Variants in APC observed in about 807,000 individuals in gnomAD.
The protein encoded by APC is APC regulator of Wnt signaling pathway.
APC carries 72 observed loss-of-function variants against 247.0 expected under a neutral mutation model. The ratio of observed to expected loss-of-function variants is 0.29; its 90% confidence interval spans 0.24 to 0.35. The LOEUF (loss-of-function observed/expected upper bound fraction) is 0.35, where lower values mean the gene tolerates loss of function less well. Ranked by LOEUF, APC falls within the 10% of genes least tolerant of loss-of-function variation. The probability of loss-of-function intolerance (pLI) is 1.00; values close to 1 mark genes in which losing one functional copy is unlikely to be tolerated. For synonymous variants in APC, 1,254 were observed against 1,162.5 expected (o/e 1.08, Z -1.60); for missense variants, 3,400 against 3,360.7 (o/e 1.01, Z -0.29).
At chr5:112,721,858 A>G (rs1040295260) in intron 1 of APC, among the ~76,000 whole-genome samples, 1 of 152,148 alleles carries the variant, frequency 6.6e-6, no homozygotes, top group Non-Finnish European at 1.5e-5. Context: ...ACTAACACTA[A>G]CAATAGCTGA....
At chr5:112,727,603 T>G (rs1007359360) in intron 1 of APC, among the ~76,000 whole-genome samples, 1 of 152,208 alleles carries the variant, frequency 6.6e-6, no homozygotes, top group Non-Finnish European at 1.5e-5. Context: ...ATAAACTGAT[T>G]TATCAGGTAA....
At chr5:112,799,183 CAAAAA>C (rs754181440) in intron 7 of APC, among the ~76,000 whole-genome samples, 3 of 79,888 alleles carry the variant, frequency 3.8e-5, no homozygotes, top group African/African-American at 1.4e-4. Context: ...GACTCTGTCT[CAAAAA>C]AAAAAAAAAA....
intron 1 of APC, among the ~76,000 whole-genome samples, chr5:112,749,254 A>T (rs967720857): frequency 3.3e-5 from 5 of 152,024 alleles, no homozygotes; most frequent in Non-Finnish European, 7.4e-5. Flanking sequence ...TTAGCTTATG[A>T]TTATTCTTTT....
chr5:112,812,554 C>A (rs1211658809), intron 8 of APC, among the ~76,000 whole-genome samples: 2 of 152,172 alleles, frequency 1.3e-5, no homozygotes, highest in African/African-American at 4.8e-5. Context: ...TTTGCCTGGG[C>A]TGCCCTGTGG....
At chr5:112,745,031 G>C (rs464002) in intron 1 of APC, among the ~76,000 whole-genome samples, 4 of 152,006 alleles carry the variant, frequency 2.6e-5, no homozygotes, top group Non-Finnish European at 4.4e-5. Context: ...TTTACATTAC[G>C]TGAGATATTG....
At chr5:112,810,200 A>T (rs1211780762) in intron 8 of APC, 1 of 454,320 alleles carries the variant, frequency 2.2e-6, no homozygotes, top group East Asian at 7.0e-5. Flanking sequence ...CCCTAAGATC[A>T]AAGAGAAATG....
chr5:112,803,462 C>A (rs780650136), intron 8 of APC, among the ~76,000 whole-genome samples: 4 of 152,118 alleles, frequency 2.6e-5, no homozygotes, highest in Non-Finnish European at 5.9e-5. Flanking sequence ...AATCACACTC[C>A]CTCACTAACT....
chr5:112,815,160 C>A (rs1762366915), intron 8 of APC, among the ~76,000 whole-genome samples: 1 of 152,124 alleles, frequency 6.6e-6, no homozygotes, highest in African/African-American at 2.4e-5. Context: ...TTGAACATTC[C>A]TTCAATGCTT....
intron 4 of APC, 111 bp downstream of exon 4, chr5:112,767,501 G>T: frequency 1.2e-6 from 1 of 842,104 alleles, no homozygotes; most frequent in Non-Finnish European, 1.8e-6. Context: ...AACACTTAGA[G>T]CATTTTGCAT....
chr5:112,772,602 C>T (rs571981710), intron 4 of APC, among the ~76,000 whole-genome samples: 305 of 151,838 alleles, frequency 2.0e-3, no homozygotes, highest in Non-Finnish European at 2.8e-3. Context: ...CTGCAACCTC[C>T]GCCTCCCTGA....
In APC at chr5:112,782,641, G is replaced by A. The variant is rs2439595; in HGVS notation, c.645+1738G>A. On this transcript the variant is annotated intron_variant, in intron 6 of 15. Coordinates refer to ENST00000257430, the MANE Select transcript of APC (RefSeq NM_000038.6). Reference sequence around the variant, plus strand: ...GCCCCTATCCCAGTCAGAAAGATTCGTGACTTAAATGTCAAAAGTAAAACT... The same window carrying A: ...GCCCCTATCCCAGTCAGAAAGATTCATGACTTAAATGTCAAAAGTAAAACT... Among the ~76,000 whole-genome samples, 41,283 of 152,010 alleles carry A rather than the reference G, an allele frequency of 0.27. 7,048 individuals carry two copies. Among genetic ancestry groups the A allele is most frequent in the East Asian group, 0.6 (3,129 of 5,182 alleles).
At chr5:112,722,051 A>G (rs1751510623) in intron 1 of APC, among the ~76,000 whole-genome samples, 1 of 152,126 alleles carries the variant, frequency 6.6e-6, no homozygotes, top group Admixed American at 6.6e-5. Context: ...GTGAGAGGAA[A>G]AAAAGACCCC....
At chr5:112,767,047 C>G (rs2149786849) in intron 3 of APC, 142 bp from the exon 4 acceptor site, 1 of 761,054 alleles carries the variant, frequency 1.3e-6, no homozygotes, top group Non-Finnish European at 2.1e-6. Context: ...AGGGAAAGTC[C>G]TAAATAATTT....
chr5:112,711,254 C>T (rs1750828359), intron 1 of APC, among the ~76,000 whole-genome samples: 1 of 152,186 alleles, frequency 6.6e-6, no homozygotes, highest in African/African-American at 2.4e-5. Context: ...TGCAAGGGAT[C>T]AGGGTTGCAT....
At chr5:112,763,385 T>C (rs1406413534) in intron 2 of APC, among the ~76,000 whole-genome samples, 1 of 152,040 alleles carries the variant, frequency 6.6e-6, no homozygotes, top group African/African-American at 2.4e-5. Flanking sequence ...GTGTAATTTA[T>C]TGTCATCTTA....
chr5:112,827,250 A>G lies in APC; in HGVS notation c.1548+3A>G, dbSNP rs995524376. On this transcript the variant is annotated splice_donor_region_variant and intron_variant, in intron 12 of 15. Coordinates refer to ENST00000257430, the MANE Select transcript of APC (RefSeq NM_000038.6). ...CTTTTGGAGATGTAGCCAACAAGGT[A>G]TGTTTTTATAACATGTATTTCTTAA... The G allele has an allele frequency of 6.2e-7, 1 of 1,613,770 alleles. No individual in the cohort carries two copies. Among genetic ancestry groups the G allele is most frequent in the South Asian group, 1.1e-5 (1 of 91,080 alleles).
intron 15 of APC, among the ~76,000 whole-genome samples, chr5:112,836,179 C>CCCCA (rs59264373): frequency 3.1e-5 from 2 of 64,792 alleles, no homozygotes; most frequent in Non-Finnish European, 7.0e-5. Context: ...CCCCCCCCCC[C>CCCCA]GCCACCGTGC....
At position 112,801,512 on chromosome 5, in the gene APC, C is replaced by A; in HGVS notation, c.834+129C>A. On this transcript the variant is annotated intron_variant, in intron 8 of 15. Coordinates refer to ENST00000257430, the MANE Select transcript of APC (RefSeq NM_000038.6). ...AGTCCTGAATGCATATTTCCAGAAGCATTCAGTACCAATGTGCTGTCATTT... is the reference window on the plus strand; with the variant it reads ...AGTCCTGAATGCATATTTCCAGAAGAATTCAGTACCAATGTGCTGTCATTT... The A allele has an allele frequency of 4.7e-6, 3 of 642,174 alleles. No individual in the cohort carries two copies. In the South Asian group the frequency reaches 5.6e-5, roughly 12 times the overall value. The allele number at this position is 642,174 out of a possible 1,614,324, so 39.8% of individuals were successfully genotyped here. A position where few individuals can be genotyped will look rare whatever the true frequency, so the allele number is the denominator to read the frequency against.
At chr5:112,769,853 C>T (rs919034117) in intron 4 of APC, among the ~76,000 whole-genome samples, 3 of 152,112 alleles carry the variant, frequency 2.0e-5, no homozygotes, top group Non-Finnish European at 4.4e-5. Context: ...ATTATCTGGA[C>T]GAGAAATGAT....
Sources: gnomAD v4.1 joint callset for allele counts (sites outside exome capture counted in the v4.1 genomes callset) on GRCh38, gnomAD v4.1.1 for gene constraint, MANE v1.5 for transcripts, NCBI Gene and HGNC (gene_info 2026-07-23, HGNC 2026-07-21) for gene names.